USP40: variants seen among roughly 807,000 people sequenced by gnomAD.
USP40 encodes the protein ubiquitin specific peptidase 40, also known as ubiquitin carboxyl-terminal hydrolase 40.
USP40 carries 143 observed loss-of-function variants against 166.2 expected under a neutral mutation model. The ratio of observed to expected loss-of-function variants is 0.86; its 90% CI spans 0.75 to 0.99. The LOEUF (loss-of-function observed/expected upper bound fraction) is 0.99. Among genes scored for constraint, USP40 ranks in the 50% least tolerant of loss-of-function variants. The pLI is 0.00. For missense variants in USP40, 1,444 were observed against 1,479.7 expected, an observed-to-expected ratio of 0.98 and a Z score of 0.40; for synonymous variants, 498 against 524.0, an observed-to-expected ratio of 0.95 and a Z score of 0.68.
intron 4 of USP40, among the ~76,000 whole-genome samples, chr2:233,558,237 G>A (rs2071273543): frequency 6.6e-6 from 1 of 151,668 alleles, no homozygotes; most frequent in Non-Finnish European, 1.5e-5. Context: ...TGCAGGTCCA[G>A]TCCTAGAGGG....
intron 24 of USP40, among the ~76,000 whole-genome samples, chr2:233,495,760 C>T (rs1372099319): frequency 6.6e-6 from 1 of 152,084 alleles, no homozygotes; most frequent in Non-Finnish European, 1.5e-5. Flanking sequence ...CTTGCTTTTC[C>T]TGGCCCAGCT....
chr2:233,560,045 A>G (rs2071434950), intron 3 of USP40, 121 bp from the exon 4 acceptor site: 1 of 589,338 alleles, frequency 1.7e-6, no homozygotes. Flanking sequence ...GTTTATAAAT[A>G]TCCTATTATA....
In USP40 at chr2:233,477,419, G is replaced by C; in HGVS notation, c.3684C>G (p.Leu1228=). The change falls in exon 32 of 32, where the codon CTC becomes CTG. Residue 1228 remains leucine (L), a synonymous_variant. Transcript: ENST00000678225. ...PARPRAPETS[L]SIHVGSFR ...ATCTGAAGCTCCCCACGTGGATGGAGAGAGAAGTTTCCGGGGCTCGGGGCC... is the reference window on the plus strand; with the variant it reads ...ATCTGAAGCTCCCCACGTGGATGGACAGAGAAGTTTCCGGGGCTCGGGGCC... 3 of 1,613,780 alleles carry C rather than the reference G, an allele frequency of 1.9e-6. No homozygotes were observed. Among genetic ancestry groups the C allele is most frequent in the Non-Finnish European group, 2.5e-6 (3 of 1,179,850 alleles).
chr2:233,532,785 G>GA (rs1278183086), intron 11 of USP40, among the ~76,000 whole-genome samples: 3 of 151,950 alleles, frequency 2.0e-5, no homozygotes, highest in Non-Finnish European at 4.4e-5. Context: ...CTAAAAAAAT[G>GA]AAAAAATTAG....
chr2:233,481,161 G>A, intron 31 of USP40, 42 bp downstream of exon 31: 1 of 1,528,648 alleles, frequency 6.5e-7, no homozygotes, highest in Non-Finnish European at 8.9e-7. Flanking sequence ...GAGTCAGAGA[G>A]GGCTCTGTCA....
At chr2:233,555,985 G>A (rs1349871066) in intron 5 of USP40, among the ~76,000 whole-genome samples, 2 of 151,442 alleles carry the variant, frequency 1.3e-5, no homozygotes, top group East Asian at 1.9e-4. Context: ...GCATGGTGGC[G>A]GGCACCTGTA....
chr2:233,510,392 CTTTTT>C (rs1158427662), intron 20 of USP40, among the ~76,000 whole-genome samples: 6 of 68,690 alleles, frequency 8.7e-5, no homozygotes, highest in African/African-American at 1.4e-4. Context: ...CTTTTTCTTT[CTTTTT>C]TTTTTTTTTT....
intron 10 of USP40, among the ~76,000 whole-genome samples, chr2:233,539,400 CATAT>C (rs1455259353): frequency 1.3e-5 from 2 of 151,996 alleles, no homozygotes. Flanking sequence ...GAACTGAACT[CATAT>C]AGAGTATGTT....
At chr2:233,509,134 C>T (rs776473724) in intron 21 of USP40, among the ~76,000 whole-genome samples, 8 of 152,268 alleles carry the variant, frequency 5.3e-5, no homozygotes, top group Middle Eastern at 6.8e-3. Context: ...TCTGCTGCTA[C>T]CAGGTTGGTC....
chr2:233,491,240 G>A lies in USP40; in HGVS notation c.2939C>T (p.Ala980Val), dbSNP rs188487360. Residue 980 changes from alanine (A) to valine (V), a missense_variant, in exon 26 of 32, where the codon GCG becomes GTG. Ala to Val is a moderately conservative substitution (Grantham distance 64, BLOSUM62 0). Transcript: ENST00000678225. ...TCCCAAGTAGAGGAGAGAAACTTGC[G>A]CAGGCTCGTTCCCAGAAGCACCTTC... ...SSQGASGNEP[A>V]QVSLLYLGDI... is the part of the protein sequence containing the mutation. 122 of 1,611,988 alleles carry A rather than the reference G, an allele frequency of 7.6e-5. 1 individual carries two copies. In the African/African-American group the frequency reaches 1.4e-3, roughly 18 times the overall value.
At chr2:233,499,769 A>T (rs1229279159) in intron 22 of USP40, 110 bp downstream of exon 22, 6 of 839,824 alleles carry the variant, frequency 7.1e-6, no homozygotes, top group Non-Finnish European at 1.1e-5. Flanking sequence ...ACTACTTTTT[A>T]TTTCTCCACA....
chr2:233,488,157 C>T, intron 28 of USP40, 82 bp downstream of exon 28: 1 of 1,170,322 alleles, frequency 8.5e-7, no homozygotes, highest in Non-Finnish European at 1.3e-6. Context: ...AAATGCTACA[C>T]TATGAAGTTG....
Position 233,485,950 on chromosome 2 carries a change from C to A in USP40, c.3225G>T (p.Gln1075His). ...LGPQDVLLRT[Q>H]VRIPGERTYA... ...AGGTCCTCTCACCAGGGATGCGCACCTGTGTCCTCAGCAGCACGTCCTGGG... is the reference window on the plus strand; with the variant it reads ...AGGTCCTCTCACCAGGGATGCGCACATGTGTCCTCAGCAGCACGTCCTGGG... The change falls in exon 29 of 32, where the codon CAG becomes CAT. Residue 1075 changes from glutamine to histidine, a missense_variant. By Grantham distance (24) the Gln-to-His change is conservative (BLOSUM62 0). Coordinates refer to ENST00000678225, the MANE Select transcript of USP40 (RefSeq NM_001365479.2). The A allele has an allele frequency of 6.3e-7, 1 of 1,590,432 alleles. No individual in the cohort carries two copies. Among genetic ancestry groups the A allele is most frequent in the Admixed American group, 1.8e-5 (1 of 55,810 alleles).
chr2:233,485,532 T>G lies in USP40; in HGVS notation c.3503A>C (p.Lys1168Thr), dbSNP rs748807382. 6.2e-7 allele frequency: 1 copy of G among 1,613,380 alleles called. No homozygotes were observed. Among genetic ancestry groups the G allele is most frequent in the East Asian group, 2.2e-5 (1 of 44,878 alleles). Residue 1168 changes from lysine (K) to threonine (T), a missense_variant and splice_region_variant, in exon 30 of 32, where the codon AAG (lysine) becomes ACG (threonine). Transcript: ENST00000678225. ...YLKDGDTIGV[K>T]NLLIDDDDDF... ...TAAATTTGCTGTTAAACAACTTACC[T>G]TAACACCAATAGTATCTCCGTCTTT...
intron 10 of USP40, among the ~76,000 whole-genome samples, chr2:233,534,320 A>G (rs1421356559): frequency 6.6e-6 from 1 of 152,182 alleles, no homozygotes; most frequent in Non-Finnish European, 1.5e-5. Flanking sequence ...TCACAATCCC[A>G]AAGTTCTTGC....
Position 233,565,439 on chromosome 2 carries a change from TTGG to T in USP40, c.113_115del (p.Thr38del), listed in dbSNP as rs2072058157. ...ACCCTGATTTCTGATTCCGCTTAAA[TTGG>T]TGAATTCTCTAGGAGCAGGTGGCTC... On this transcript the variant is annotated inframe_deletion, in exon 2 of 32. Transcript: ENST00000678225. 1 of 1,537,178 alleles carries T rather than the reference TTGG, an allele frequency of 6.5e-7. No homozygotes were observed. The highest frequency in any genetic ancestry group is 2.0e-5 in the Admixed American group (1 of 50,980).
Position 233,559,902 on chromosome 2 carries a change from A to T in USP40, c.290T>A (p.Leu97Ter). 1.2e-6 allele frequency: 2 copies of T among 1,607,858 alleles called. No individual in the cohort carries two copies. The highest frequency in any genetic ancestry group is 1.7e-6 in the Non-Finnish European group (2 of 1,177,206). Reference protein sequence around the residue: ...DAKVRIIPLQLQRLFAQLLLL... With the variant: ...DAKVRIIPLQ ...CAGAAGCTGAGCAAACAAGCGCTGT[A>T]ACTGTAAAGGGATGATTCGAACCTG... The change falls in exon 4 of 32, where the codon TTA becomes TAA. Residue 97 changes from leucine to a stop codon, truncating the protein, a stop_gained. Coordinates refer to ENST00000678225, the MANE Select transcript of USP40 (RefSeq NM_001365479.2). LOFTEE classifies it high-confidence loss of function.
chr2:233,481,382 A>G lies in USP40; in HGVS notation c.3505-85T>C, dbSNP rs538493625. ...AAGAGGCATGTCTAAAAAACTACCTATATTGACAAAAGAACAGATTCAAAT... is the reference window on the plus strand; with the variant it reads ...AAGAGGCATGTCTAAAAAACTACCTGTATTGACAAAAGAACAGATTCAAAT... On this transcript the variant is annotated intron_variant, in intron 30 of 31. Transcript: ENST00000678225. 17 of 1,142,930 alleles carry G rather than the reference A, an allele frequency of 1.5e-5. No homozygotes were observed. The African/African-American group carries it at 2.2e-4, about 15-fold the overall frequency. The allele number at this position is 1,142,930 out of a possible 1,614,324, so 70.8% of individuals were successfully genotyped here.
chr2:233,510,020 C>T (rs1218334519), intron 21 of USP40, 29 bp downstream of exon 21: 2 of 1,516,122 alleles, frequency 1.3e-6, no homozygotes, highest in Non-Finnish European at 1.8e-6. Flanking sequence ...CACACACAGC[C>T]TCTGAAAACA....
Sources: gnomAD v4.1 joint callset for allele counts (sites outside exome capture counted in the v4.1 genomes callset) on GRCh38, gnomAD v4.1.1 for gene constraint, MANE v1.5 for transcripts, NCBI Gene and HGNC (gene_info 2026-07-23, HGNC 2026-07-21) for gene names.